The following IRAK1BP1 variants were observed in gnomAD, a reference collection of about 807,000 sequenced individuals.
The protein encoded by IRAK1BP1 is interleukin 1 receptor associated kinase 1 binding protein 1.
Under a neutral mutation model 28.0 loss-of-function variants are expected in IRAK1BP1, and 24 were observed. The ratio of observed to expected loss-of-function variants is 0.86; its 90% CI spans 0.62 to 1.20. The LOEUF (loss-of-function observed/expected upper bound fraction) is 1.20, where lower values mean the gene tolerates loss of function less well. Among genes scored for constraint, IRAK1BP1 ranks in the 50% most tolerant of loss-of-function variants. The probability of loss-of-function intolerance (pLI) is 0.00; values close to 1 mark genes in which losing one functional copy is unlikely to be tolerated. For synonymous variants in IRAK1BP1, 131 were observed against 116.3 expected (o/e 1.13, Z -0.81); for missense variants, 336 against 316.7 (o/e 1.06, Z -0.46).
chr6:78,928,421 G>T (rs1391278000), intron 4 of IRAK1BP1, among the ~76,000 whole-genome samples: 2 of 152,162 alleles, frequency 1.3e-5, no homozygotes, highest in Admixed American at 1.3e-4. Flanking sequence ...GTGTGTGTGT[G>T]TGGAGTCTTC....
chr6:78,928,607 A>G (rs1772955147), intron 4 of IRAK1BP1, among the ~76,000 whole-genome samples: 1 of 152,092 alleles, frequency 6.6e-6, no homozygotes, highest in Non-Finnish European at 1.5e-5. Context: ...ATCTTTAAGG[A>G]AAGGTTTTCA....
At chr6:78,913,505 G>A (rs771028155) in intron 4 of IRAK1BP1, among the ~76,000 whole-genome samples, 20 of 152,052 alleles carry the variant, frequency 1.3e-4, no homozygotes, top group African/African-American at 3.9e-4. Flanking sequence ...AATTAGCTGC[G>A]CATAGTGGCA....
At chr6:78,974,602 A>AG in the IRAK1BP1 span, among the ~76,000 whole-genome samples, 2 of 152,204 alleles carry the variant, frequency 1.3e-5, no homozygotes, top group African/African-American at 4.8e-5. Flanking sequence ...GTTTTTTGAA[A>AG]GATCAACAAA....
chr6:78,937,163 T>C (rs1773301512), intron 4 of IRAK1BP1: 1 of 151,724 alleles, frequency 6.6e-6, no homozygotes, highest in Non-Finnish European at 1.5e-5. Context: ...TACTCAAAAA[T>C]AAATTTCAGG....
At chr6:78,970,906 A>C in the IRAK1BP1 span, 1 of 1,538,568 alleles carries the variant, frequency 6.5e-7, no homozygotes, top group Non-Finnish European at 8.9e-7. Flanking sequence ...ATAAAGTCAT[A>C]ATCTTACAAC....
downstream of IRAK1BP1, chr6:78,946,606 T>C: frequency 7.0e-7 from 1 of 1,435,724 alleles, no homozygotes; most frequent in Non-Finnish European, 9.1e-7. Flanking sequence ...CAAATTATCA[T>C]TCTGCAATAT....
At chr6:78,950,208 C>A (rs1269809034), downstream of IRAK1BP1, among the ~76,000 whole-genome samples, 2 of 152,182 alleles carry the variant, frequency 1.3e-5, no homozygotes, top group East Asian at 3.8e-4. Context: ...AATACTGAAC[C>A]ATCCTTGTAT....
At chr6:78,922,348 A>G (rs1772758590) in intron 4 of IRAK1BP1, among the ~76,000 whole-genome samples, 1 of 152,228 alleles carries the variant, frequency 6.6e-6, no homozygotes, top group South Asian at 2.1e-4. Flanking sequence ...AATGAATGAA[A>G]TGAAGAGAGA....
In IRAK1BP1 at chr6:78,867,786, G is replaced by T. The variant is rs773979076; in HGVS notation, c.210G>T (p.Val70=). 1.2e-6 allele frequency: 2 copies of T among 1,613,742 alleles called. No homozygotes were observed. ...EVSAGPDRAQ[V]VVRVSSTKEA... is the part of the protein sequence containing the mutation. The stretch of plus-strand genomic sequence containing the variant: ...CTGCGGGCCCTGACCGGGCGCAGGT[G>T]GTGGTGCGAGTGAGCAGCACCAAGG... Residue 70 remains valine (V), a synonymous_variant, in exon 1 of 4, where the codon GTG becomes GTT. Transcript: ENST00000369940.
At chr6:78,926,471 A>G (rs1020366183) in intron 4 of IRAK1BP1, among the ~76,000 whole-genome samples, 1 of 152,124 alleles carries the variant, frequency 6.6e-6, no homozygotes, top group African/African-American at 2.4e-5. Flanking sequence ...TTTGATACAG[A>G]CTTGAAATGT....
intron 2 of IRAK1BP1, among the ~76,000 whole-genome samples, chr6:78,887,058 T>C (rs1190859837): frequency 6.6e-6 from 1 of 152,196 alleles, no homozygotes; most frequent in Non-Finnish European, 1.5e-5. Flanking sequence ...TTAATAACAA[T>C]GTGTGGCTTT....
At chr6:78,920,023 A>G (rs537120395) in intron 4 of IRAK1BP1, among the ~76,000 whole-genome samples, 2 of 152,312 alleles carry the variant, frequency 1.3e-5, no homozygotes, top group South Asian at 4.1e-4. Flanking sequence ...TGGGAGGCCA[A>G]GACAGGTGGA....
chr6:78,901,196 AAGTT>A lies in IRAK1BP1; in HGVS notation c.*2866_*2869del, dbSNP rs1313629761. On this transcript the variant is annotated 3_prime_UTR_variant, in exon 4 of 4. Transcript: ENST00000369940. ...AATACCTAAAGACAATTTTTTTTTTAAGTTAGTAGGCACTTTTTAGAATTTCCAG... is the reference window on the plus strand; with the variant it reads ...AATACCTAAAGACAATTTTTTTTTTAAGTAGGCACTTTTTAGAATTTCCAG... 6.6e-6 allele frequency: 1 copy of A among 151,068 alleles called. No individual in the cohort carries two copies. The highest frequency in any genetic ancestry group is 1.9e-4 in the East Asian group (1 of 5,150). 9.4% of individuals were successfully genotyped at this position (151,068 alleles called of 1,614,324 possible).
intron 4 of IRAK1BP1, among the ~76,000 whole-genome samples, chr6:78,908,496 A>G (rs1772318259): frequency 6.6e-6 from 1 of 151,836 alleles, no homozygotes; most frequent in Non-Finnish European, 1.5e-5. Flanking sequence ...CTCAACCAAC[A>G]CACCTGGCTA....
At chr6:78,933,435 G>C in intron 4 of IRAK1BP1, among the ~76,000 whole-genome samples, 1 of 140,244 alleles carries the variant, frequency 7.1e-6, no homozygotes, top group Non-Finnish European at 1.6e-5. Flanking sequence ...GGCCACCATG[G>C]TGAACCCCTT....
chr6:78,959,584 A>G, the IRAK1BP1 span, among the ~76,000 whole-genome samples: 19 of 152,184 alleles, frequency 1.2e-4, no homozygotes, highest in Non-Finnish European at 2.1e-4. Flanking sequence ...GCAAAAACCT[A>G]CTTACATTGT....
Position 78,898,097 on chromosome 6 carries a change from G to A in IRAK1BP1, c.546G>A (p.Ala182=), listed in dbSNP as rs369164262. 4.8e-5 allele frequency: 78 copies of A among 1,612,454 alleles called. No individual in the cohort carries two copies. The highest frequency in any genetic ancestry group is 1.7e-4 in the South Asian group (15 of 90,800). Residue 182 remains alanine, a synonymous_variant, in exon 4 of 4, where the codon GCG becomes GCA. Transcript: ENST00000369940. ...CCTGTCTTGTTGCTGTTGAGAATGCGTGGCGCAAAGCTCAAGAAGTCTGTA... is the reference window on the plus strand; with the variant it reads ...CCTGTCTTGTTGCTGTTGAGAATGCATGGCGCAAAGCTCAAGAAGTCTGTA... The part of the protein sequence containing the change: ...RQACLVAVEN[A]WRKAQEVCNL...
At chr6:78,884,246 A>G (rs967016208) in intron 1 of IRAK1BP1, among the ~76,000 whole-genome samples, 1 of 152,154 alleles carries the variant, frequency 6.6e-6, no homozygotes, top group Non-Finnish European at 1.5e-5. Context: ...ATATCTTAAA[A>G]TTTAGATGCA....
In IRAK1BP1 at chr6:78,879,013, C is replaced by T. The variant is rs142994504; in HGVS notation, c.316-6365C>T. ...CGACTATGTGAAAAGACCAAATCTA[C>T]GTCTGATTGGTGTACCTGAAAGTGA... On this transcript the variant is annotated intron_variant, in intron 1 of 3. Coordinates refer to ENST00000369940, the MANE Select transcript of IRAK1BP1 (RefSeq NM_001010844.4). 1.8e-3 allele frequency among the ~76,000 whole-genome samples: 276 copies of T among 152,250 alleles called. 1 individual carries two copies. Among genetic ancestry groups the T allele is most frequent in the African/African-American group, 6.3e-3 (263 of 41,552 alleles).
Sources: allele counts gnomAD v4.1 joint callset (sites outside exome capture counted in the v4.1 genomes callset), GRCh38; gene constraint gnomAD v4.1.1; transcripts MANE v1.5; gene names NCBI Gene and HGNC (gene_info 2026-07-23, HGNC 2026-07-21).